KMT2C: variants seen among roughly 807,000 people sequenced by gnomAD.
KMT2C encodes histone-lysine N-methyltransferase 2C.
KMT2C carries 88 observed loss-of-function variants against 507.9 expected under a neutral mutation model. That is an observed-to-expected ratio of 0.17 (90% CI 0.15 to 0.21). The LOEUF (loss-of-function observed/expected upper bound fraction) is 0.21, where lower values mean the gene tolerates loss of function less well. KMT2C is among the 10% of genes least tolerant of loss of function. The pLI is 1.00. For synonymous variants in KMT2C, 2,049 were observed against 2,080.8 expected (o/e 0.98, Z 0.42); for missense variants, 4,954 against 5,957.8 (o/e 0.83, Z 5.55).
intron 42 of KMT2C, among the ~76,000 whole-genome samples, chr7:152,166,735 A>C (rs2092744990): frequency 6.6e-6 from 1 of 152,196 alleles, no homozygotes; most frequent in South Asian, 2.1e-4. Context: ...TTCTTATTCC[A>C]AACTAAACCC....
intron 23 of KMT2C, among the ~76,000 whole-genome samples, chr7:152,213,884 C>A (rs1460303878): frequency 2.0e-5 from 3 of 151,936 alleles, no homozygotes; most frequent in Admixed American, 6.6e-5. Flanking sequence ...GCAAAAAAAT[C>A]CCAAATAACT....
At chr7:152,314,561 C>A (rs1156394304) in intron 4 of KMT2C, among the ~76,000 whole-genome samples, 2 of 143,596 alleles carry the variant, frequency 1.4e-5, no homozygotes, top group South Asian at 2.5e-4. Context: ...AAAAAAGCAT[C>A]TTCTGGGAGG....
At chr7:152,290,063 C>CA (rs1427481337) in intron 6 of KMT2C, among the ~76,000 whole-genome samples, 3 of 134,944 alleles carry the variant, frequency 2.2e-5, no homozygotes, top group Non-Finnish European at 4.9e-5. Flanking sequence ...ACAAAACAAA[C>CA]AAACAAACAA....
rs1256942996 is a variant in KMT2C, at chr7:152,248,605, G to C, written c.1829C>G (p.Thr610Arg). 3 of 1,607,904 alleles carry C rather than the reference G, an allele frequency of 1.9e-6. No individual in the cohort carries two copies. Among genetic ancestry groups the C allele is most frequent in the African/African-American group, 1.3e-5 (1 of 74,862 alleles). The change falls in exon 14 of 59, where the codon ACA becomes AGA. Residue 610 changes from threonine (T) to arginine (R), a missense_variant. Transcript: ENST00000262189. Reference sequence around the variant, plus strand: ...CTGTTTTTCCAATTCAGTATTCACTGTATGTTGGGATGATACTACAAAATT... The same window carrying C: ...CTGTTTTTCCAATTCAGTATTCACTCTATGTTGGGATGATACTACAAAATT... ...SLLIAVSSQH[T>R]VNTELEKQIS...
chr7:152,213,759 A>AAC (rs1041718257), intron 23 of KMT2C, among the ~76,000 whole-genome samples: 2 of 152,146 alleles, frequency 1.3e-5, no homozygotes, highest in African/African-American at 4.8e-5. Flanking sequence ...ATAAAAAAAA[A>AAC]AAAAAAACAC....
At chr7:152,377,380 A>C (rs2097337109) in intron 1 of KMT2C, among the ~76,000 whole-genome samples, 2 of 152,082 alleles carry the variant, frequency 1.3e-5, no homozygotes, top group Admixed American at 6.5e-5. Context: ...CCAGTACGAT[A>C]CATCTATCCT....
rs190631835 is a variant in KMT2C at position 152,419,455 on chromosome 7, T to C, written c.161+16171A>G. On this transcript the variant is annotated intron_variant, in intron 1 of 58. Coordinates refer to ENST00000262189, the MANE Select transcript of KMT2C (RefSeq NM_170606.3). ...ACAAAAAAAGTACAAGACCTGTGCA[T>C]TGAAAATTATAAAATACTACAAACA... Among the ~76,000 whole-genome samples the C allele has an allele frequency of 4.6e-5, 7 of 152,268 alleles. No homozygotes were observed. In the East Asian group the frequency reaches 1.2e-3, roughly 25 times the overall value.
intron 1 of KMT2C, among the ~76,000 whole-genome samples, chr7:152,393,710 G>C (rs2097518848): frequency 6.6e-6 from 1 of 151,962 alleles, no homozygotes; most frequent in Non-Finnish European, 1.5e-5. Context: ...CTGACCAATA[G>C]AGAGAAACCC....
chr7:152,182,680 ATTTG>A (rs1196554746), intron 35 of KMT2C, 86 bp from the exon 36 acceptor site: 12 of 1,230,788 alleles, frequency 9.7e-6, no homozygotes, highest in Non-Finnish European at 1.3e-5. Flanking sequence ...CAGAAAGTTA[ATTTG>A]TTTGATGTCA....
Position 152,174,227 on chromosome 7 carries a change from G to A in KMT2C, c.9278C>T (p.Thr3093Ile), listed in dbSNP as rs2129110917. ...CATTTTGGCTTTCATTATAGGATCT[G>A]TAATTGCATCAAAATCTAGAAAAGA... ...FFPNIDFDAI[T>I]DPIMKAKMVA... is the part of the protein sequence containing the mutation. The change falls in exon 39 of 59, where the codon ACA (threonine) becomes ATA (isoleucine). Residue 3093 changes from threonine (T) to isoleucine (I), a missense_variant. By Grantham distance (89) the Thr-to-Ile change is moderately conservative (BLOSUM62 -1). Transcript: ENST00000262189. 1 of 1,563,916 alleles carries A rather than the reference G, an allele frequency of 6.4e-7. No homozygotes were observed. Among genetic ancestry groups the A allele is most frequent in the South Asian group, 1.1e-5 (1 of 87,960 alleles).
At chr7:152,257,873 A>G (rs2095687047) in intron 9 of KMT2C, among the ~76,000 whole-genome samples, 2 of 151,982 alleles carry the variant, frequency 1.3e-5, no homozygotes, top group South Asian at 2.1e-4. Context: ...ACGCACACAC[A>G]CACACACACA....
At chr7:152,269,559 T>C (rs763750121) in intron 7 of KMT2C, among the ~76,000 whole-genome samples, 1 of 152,192 alleles carries the variant, frequency 6.6e-6, no homozygotes, top group Non-Finnish European at 1.5e-5. Flanking sequence ...AAGAAATTTT[T>C]CTTTAAACAG....
At chr7:152,303,089 G>A (rs963968844) in intron 6 of KMT2C, among the ~76,000 whole-genome samples, 4 of 152,062 alleles carry the variant, frequency 2.6e-5, no homozygotes, top group South Asian at 2.1e-4. Flanking sequence ...AAAGAAAAAC[G>A]ACGTTACCCT....
intron 34 of KMT2C, among the ~76,000 whole-genome samples, chr7:152,183,495 C>T (rs1034497009): frequency 6.6e-6 from 1 of 152,308 alleles, no homozygotes; most frequent in South Asian, 2.1e-4. Flanking sequence ...GGCATGGTGG[C>T]TCATGCTCGT....
chr7:152,321,240 A>C (rs6953419), intron 3 of KMT2C, among the ~76,000 whole-genome samples: 21,057 of 151,758 alleles, frequency 0.14, 3,853 homozygotes, highest in African/African-American at 0.42. Context: ...CAAGAAAATA[A>C]ATAAATAAAT....
rs967589549 is a variant in KMT2C, at chr7:152,347,100, G to A, written c.250+11487C>T. ...GATCGTGCCACTGCACTCCAGCCAGGGAGACAAGGAAAAGGAAAAGGAAAG... is the reference window on the plus strand; with the variant it reads ...GATCGTGCCACTGCACTCCAGCCAGAGAGACAAGGAAAAGGAAAAGGAAAG... On this transcript the variant is annotated intron_variant, in intron 2 of 58. Transcript: ENST00000262189. Among the ~76,000 whole-genome samples, 5 of 152,066 alleles carry A rather than the reference G, an allele frequency of 3.3e-5. No individual in the cohort carries two copies. The East Asian group carries it at 9.6e-4, about 29-fold the overall frequency.
At chr7:152,430,728 T>C (rs567587544) in intron 1 of KMT2C, among the ~76,000 whole-genome samples, 2 of 152,334 alleles carry the variant, frequency 1.3e-5, no homozygotes, top group East Asian at 3.9e-4. Flanking sequence ...CCTCACTTTG[T>C]TGCCCAGGCT....
chr7:152,145,581 T>C (rs991037907), intron 53 of KMT2C, among the ~76,000 whole-genome samples: 5 of 152,192 alleles, frequency 3.3e-5, no homozygotes, highest in African/African-American at 4.8e-5. Context: ...ATATACACGC[T>C]TGTGTGATTT....
intron 6 of KMT2C, among the ~76,000 whole-genome samples, chr7:152,300,087 T>C (rs1414063955): frequency 6.6e-6 from 1 of 152,204 alleles, no homozygotes; most frequent in Non-Finnish European, 1.5e-5. Context: ...TCACAGCCTG[T>C]CTATAATGGA....
Sources: gnomAD v4.1 joint callset for allele counts (sites outside exome capture counted in the v4.1 genomes callset) on GRCh38, gnomAD v4.1.1 for gene constraint, MANE v1.5 for transcripts, NCBI Gene and HGNC (gene_info 2026-07-23, HGNC 2026-07-21) for gene names.